HERC3: variants seen among roughly 807,000 people sequenced by gnomAD.
The protein encoded by HERC3 is probable E3 ubiquitin-protein ligase HERC3.
A neutral mutation model predicts 129.9 loss-of-function variants in HERC3; 58 were observed. The observed-to-expected ratio is 0.45, with a 90% CI of 0.36 to 0.56. The LOEUF is 0.56. HERC3 is among the 20% of genes least tolerant of loss of function. The probability of loss-of-function intolerance (pLI) is 0.00; values close to 1 mark genes in which losing one functional copy is unlikely to be tolerated. For synonymous variants in HERC3, 430 were observed against 451.0 expected (o/e 0.95, Z 0.59); for missense variants, 835 against 1,244.2 (o/e 0.67, Z 4.95).
the HERC3 span, among the ~76,000 whole-genome samples, chr4:88,533,728 G>T: frequency 2.0e-5 from 3 of 152,068 alleles, no homozygotes; most frequent in Admixed American, 2.0e-4. Flanking sequence ...TCTAATCTAG[G>T]CCTCAATGAT....
At chr4:88,617,194 A>AG (rs1265064992) in intron 3 of HERC3, among the ~76,000 whole-genome samples, 1 of 150,884 alleles carries the variant, frequency 6.6e-6, no homozygotes, top group African/African-American at 2.4e-5. Context: ...AAAAAAAAAA[A>AG]AAAAAAAGAA....
At chr4:88,656,778 G>T (rs531872937) in intron 9 of HERC3, 1 of 152,188 alleles carries the variant, frequency 6.6e-6, no homozygotes, top group East Asian at 1.9e-4. Context: ...ACTATGCAAA[G>T]CACTCAAAAT....
At chr4:88,665,560 T>C (rs1443071839) in intron 12 of HERC3, among the ~76,000 whole-genome samples, 8 of 152,230 alleles carry the variant, frequency 5.3e-5, no homozygotes, top group African/African-American at 1.7e-4. Context: ...GGATTTTCTT[T>C]ACTTAGTCAC....
chr4:88,635,103 T>C (rs1162506496), intron 3 of HERC3, among the ~76,000 whole-genome samples: 2 of 151,970 alleles, frequency 1.3e-5, no homozygotes, highest in Non-Finnish European at 2.9e-5. Flanking sequence ...CTTCTCTAAA[T>C]GATCGCAACA....
At chr4:88,568,337 C>T in the HERC3 span, among the ~76,000 whole-genome samples, 3 of 151,918 alleles carry the variant, frequency 2.0e-5, no homozygotes, top group East Asian at 2.0e-4. Context: ...TGGTGAGTCC[C>T]GCCAGGCTTC....
At chr4:88,598,601 G>T (rs547948077) in intron 2 of HERC3, among the ~76,000 whole-genome samples, 1 of 152,254 alleles carries the variant, frequency 6.6e-6, no homozygotes, top group East Asian at 1.9e-4. Flanking sequence ...GACATTTACT[G>T]GTCACTTACT....
At chr4:88,569,495 G>T in the HERC3 span, among the ~76,000 whole-genome samples, 1 of 152,296 alleles carries the variant, frequency 6.6e-6, no homozygotes, top group South Asian at 2.1e-4. Flanking sequence ...GTTCACTTTG[G>T]TATTCCTGCA....
At chr4:88,547,046 T>C in the HERC3 span, among the ~76,000 whole-genome samples, 1 of 152,316 alleles carries the variant, frequency 6.6e-6, no homozygotes, top group South Asian at 2.1e-4. Flanking sequence ...TAACCTTTTT[T>C]TCTTTCTTTC....
At chr4:88,626,090 A>G (rs1254768212) in intron 3 of HERC3, among the ~76,000 whole-genome samples, 2 of 152,136 alleles carry the variant, frequency 1.3e-5, no homozygotes, top group Non-Finnish European at 2.9e-5. Flanking sequence ...GTTTTCTTGT[A>G]GTGTCTTTGG....
chr4:88,635,252 T>C (rs375898363), intron 3 of HERC3, among the ~76,000 whole-genome samples: 1 of 151,828 alleles, frequency 6.6e-6, no homozygotes, highest in Non-Finnish European at 1.5e-5. Context: ...GCTAAGAACG[T>C]TGATAAAAGA....
At chr4:88,676,190 A>G in intron 16 of HERC3, 28 bp from the exon 17 acceptor site, 1 of 1,499,340 alleles carries the variant, frequency 6.7e-7, no homozygotes, top group Admixed American at 1.8e-5. Context: ...CAATTTAAGT[A>G]AGAGACTTTT....
intron 16 of HERC3, among the ~76,000 whole-genome samples, chr4:88,675,466 T>C (rs1261894162): frequency 1.3e-5 from 2 of 152,212 alleles, no homozygotes; most frequent in African/African-American, 4.8e-5. Context: ...GGTTTTCTTT[T>C]TGAGAATTCT....
the HERC3 span, among the ~76,000 whole-genome samples, chr4:88,531,287 C>A: frequency 6.6e-6 from 1 of 151,928 alleles, no homozygotes; most frequent in East Asian, 1.9e-4. Flanking sequence ...CTGTCCTCCC[C>A]CCTCAGCCTC....
chr4:88,629,507 A>T (rs1726506218), intron 3 of HERC3, among the ~76,000 whole-genome samples: 1 of 151,998 alleles, frequency 6.6e-6, no homozygotes, highest in African/African-American at 2.4e-5. Context: ...CTAGTTTCTA[A>T]TTTTTTTCCT....
the HERC3 span, among the ~76,000 whole-genome samples, chr4:88,546,074 A>G: frequency 6.6e-6 from 1 of 152,166 alleles, no homozygotes; most frequent in South Asian, 2.1e-4. Context: ...GAACAAGTGT[A>G]TTTTGTGTTT....
chr4:88,573,649 A>C, the HERC3 span, among the ~76,000 whole-genome samples: 3 of 152,218 alleles, frequency 2.0e-5, no homozygotes. Flanking sequence ...ACGGTCCCAA[A>C]GGAGATTCCC....
chr4:88,640,485 A>G (rs1727961499), intron 3 of HERC3, among the ~76,000 whole-genome samples: 1 of 152,170 alleles, frequency 6.6e-6, no homozygotes, highest in Non-Finnish European at 1.5e-5. Context: ...CAGAAAACCA[A>G]ACACCACATG....
chr4:88,605,805 T>A lies in HERC3; in HGVS notation c.-19T>A. 1 of 1,596,862 alleles carries A rather than the reference T, an allele frequency of 6.3e-7. No homozygotes were observed. The highest frequency in any genetic ancestry group is 8.6e-7 in the Non-Finnish European group (1 of 1,164,244). The stretch of plus-strand genomic sequence containing the variant: ...TAAACTCTCTCCTAGGCTACATGAT[T>A]CCCTGAAAGATAAGAACAATGTTAT... On this transcript the variant is annotated 5_prime_UTR_variant, in exon 3 of 26. Transcript: ENST00000402738.
chr4:88,639,074 T>C (rs1470522988), intron 3 of HERC3, among the ~76,000 whole-genome samples: 1 of 152,044 alleles, frequency 6.6e-6, no homozygotes, highest in African/African-American at 2.4e-5. Flanking sequence ...ACAAACCACT[T>C]TTCAAGGAAA....
Sources: gnomAD v4.1 joint callset for allele counts (sites outside exome capture counted in the v4.1 genomes callset) on GRCh38, gnomAD v4.1.1 for gene constraint, MANE v1.5 for transcripts, NCBI Gene and HGNC (gene_info 2026-07-23, HGNC 2026-07-21) for gene names.